LRRTM4: variants seen among roughly 807,000 people sequenced by gnomAD.
LRRTM4 encodes leucine rich repeat transmembrane neuronal 4.
In LRRTM4, 25 loss-of-function variants were observed where a neutral mutation model predicts 47.6. The observed-to-expected ratio is 0.53, with a 90% CI of 0.38 to 0.73. LRRTM4 has a LOEUF of 0.73. Among genes scored for constraint, LRRTM4 ranks in the 30% least tolerant of loss-of-function variants. LRRTM4 has a pLI of 0.00. For synonymous variants in LRRTM4, 311 were observed against 269.5 expected (o/e 1.15, Z -1.51); for missense variants, 638 against 713.4 (o/e 0.89, Z 1.20).
At chr2:77,514,219 G>A (rs1170659326) in intron 3 of LRRTM4, among the ~76,000 whole-genome samples, 2 of 151,970 alleles carry the variant, frequency 1.3e-5, no homozygotes, top group Non-Finnish European at 2.9e-5. Flanking sequence ...TTCTATAGCT[G>A]TATGTCGATA....
At chr2:77,245,518 A>C (rs1452270356) in intron 3 of LRRTM4, among the ~76,000 whole-genome samples, 1 of 54,452 alleles carries the variant, frequency 1.8e-5, no homozygotes, top group Admixed American at 1.9e-4. Context: ...ACACTGCCTC[A>C]AAAAAAAAAA....
chr2:77,170,609 A>G (rs1351204990), intron 3 of LRRTM4, among the ~76,000 whole-genome samples: 4 of 152,170 alleles, frequency 2.6e-5, no homozygotes, highest in Non-Finnish European at 4.4e-5. Flanking sequence ...GAAAACTAAT[A>G]CATGGTCATT....
At chr2:77,063,500 A>G (rs1248016296) in intron 3 of LRRTM4, among the ~76,000 whole-genome samples, 2 of 152,184 alleles carry the variant, frequency 1.3e-5, no homozygotes, top group Non-Finnish European at 2.9e-5. Context: ...ATGAAGTAGA[A>G]AAATAGAGCT....
At chr2:77,487,248 C>T (rs1000414217) in intron 3 of LRRTM4, among the ~76,000 whole-genome samples, 1 of 152,162 alleles carries the variant, frequency 6.6e-6, no homozygotes, top group Non-Finnish European at 1.5e-5. Flanking sequence ...CAGCCCTGGT[C>T]GTGGACCTGT....
rs190936034 is a variant in LRRTM4 at position 77,027,596 on chromosome 2, G to A, written c.1552-278680C>T. Among the ~76,000 whole-genome samples, 325 of 152,228 alleles carry A rather than the reference G, an allele frequency of 2.1e-3. 7 individuals are homozygous for A. Among genetic ancestry groups the A allele is most frequent in the African/African-American group, 7.6e-3 (315 of 41,560 alleles). Reference sequence around the variant, plus strand: ...TGGCATGACTACACCAATCCTACCAGTGTACTATCAGCTCTAAATGCATAA... The same window carrying A: ...TGGCATGACTACACCAATCCTACCAATGTACTATCAGCTCTAAATGCATAA... On this transcript the variant is annotated intron_variant, in intron 3 of 3. Transcript: ENST00000409884.
At position 76,913,963 on chromosome 2, in the gene LRRTM4, G is replaced by C. The variant is rs1158067429; in HGVS notation, c.1552-165047C>G. ...TTTTGCACTGTTTGAATATTGTTTA[G>C]AAATGCATATCTCTTCAATATTTAA... On this transcript the variant is annotated intron_variant, in intron 3 of 3. Transcript: ENST00000409884. 3.3e-4 allele frequency among the ~76,000 whole-genome samples: 50 copies of C among 151,920 alleles called. 1 individual carries two copies. Among genetic ancestry groups the C allele is most frequent in the Admixed American group, 3.3e-3 (50 of 15,262 alleles).
chr2:77,152,240 A>G (rs1170508686), intron 3 of LRRTM4, among the ~76,000 whole-genome samples: 2 of 152,160 alleles, frequency 1.3e-5, no homozygotes, highest in African/African-American at 4.8e-5. Flanking sequence ...GAGGGCAGAG[A>G]GAATGACATT....
At chr2:77,032,123 A>G (rs1190787787) in intron 3 of LRRTM4, among the ~76,000 whole-genome samples, 1 of 152,084 alleles carries the variant, frequency 6.6e-6, no homozygotes, top group Non-Finnish European at 1.5e-5. Flanking sequence ...CTCTACTTCT[A>G]TCCTTGCGCT....
At chr2:76,769,054 T>C (rs1357516002) in intron 3 of LRRTM4, among the ~76,000 whole-genome samples, 1 of 152,158 alleles carries the variant, frequency 6.6e-6, no homozygotes, top group Non-Finnish European at 1.5e-5. Flanking sequence ...GACTCAACTT[T>C]CTTTGAGGGC....
intron 3 of LRRTM4, among the ~76,000 whole-genome samples, chr2:77,447,753 A>C (rs1676109721): frequency 6.6e-6 from 1 of 152,062 alleles, no homozygotes. Context: ...AGCCCTGTGA[A>C]TTGTATTGCA....
At chr2:77,516,551 G>T (rs1416525106) in intron 3 of LRRTM4, 1 of 912,408 alleles carries the variant, frequency 1.1e-6, no homozygotes, top group South Asian at 5.0e-5. Flanking sequence ...CCTTTAAGAG[G>T]ATCACAAAAT....
At chr2:76,973,055 A>G (rs537355200) in intron 3 of LRRTM4, among the ~76,000 whole-genome samples, 2 of 152,182 alleles carry the variant, frequency 1.3e-5, no homozygotes, top group African/African-American at 4.8e-5. Context: ...ACACTAAAAC[A>G]ATGAAAGCAT....
At chr2:76,911,593 C>T (rs1026016029) in intron 3 of LRRTM4, among the ~76,000 whole-genome samples, 1 of 151,674 alleles carries the variant, frequency 6.6e-6, no homozygotes, top group African/African-American at 2.4e-5. Flanking sequence ...CTCTGATATG[C>T]TCATTCTAAG....
intron 3 of LRRTM4, among the ~76,000 whole-genome samples, chr2:77,285,129 T>A (rs985061614): frequency 6.6e-6 from 1 of 151,814 alleles, no homozygotes; most frequent in African/African-American, 2.4e-5. Context: ...TTTATTCTAA[T>A]AACATTTTTG....
Position 77,185,368 on chromosome 2 carries a change from A to G in LRRTM4, c.1551+332950T>C, listed in dbSNP as rs150028480. Among the ~76,000 whole-genome samples the G allele has an allele frequency of 3.4e-3, 524 of 152,262 alleles. 1 individual carries two copies. The highest frequency in any genetic ancestry group is 0.012 in the African/African-American group (493 of 41,568). On this transcript the variant is annotated intron_variant, in intron 3 of 3. Transcript: ENST00000409884. ...TTTTCAAAACAGCTCTATCAGTGAT[A>G]AAGGTCATATTTTGGTCTCCATCCA...
intron 3 of LRRTM4, among the ~76,000 whole-genome samples, chr2:77,082,236 G>A (rs918555289): frequency 2.0e-5 from 3 of 151,910 alleles, no homozygotes; most frequent in African/African-American, 7.2e-5. Context: ...TTGATTCTGA[G>A]GCACAGCTTA....
intron 3 of LRRTM4, among the ~76,000 whole-genome samples, chr2:76,891,455 C>G (rs1217001054): frequency 3.3e-5 from 5 of 151,590 alleles, no homozygotes; most frequent in African/African-American, 1.2e-4. Flanking sequence ...TTTCACAGAA[C>G]TACTCCTGGA....
intron 3 of LRRTM4, among the ~76,000 whole-genome samples, chr2:77,508,894 C>G (rs1467182605): frequency 6.6e-6 from 1 of 152,072 alleles, no homozygotes; most frequent in Non-Finnish European, 1.5e-5. Flanking sequence ...GTTGAAAACT[C>G]CCACTTGTGA....
At chr2:77,187,726 C>T (rs1673550881) in intron 3 of LRRTM4, among the ~76,000 whole-genome samples, 1 of 151,814 alleles carries the variant, frequency 6.6e-6, no homozygotes, top group African/African-American at 2.4e-5. Flanking sequence ...ATTTCTCATC[C>T]TGAAAGCAGT....
Sources: gnomAD v4.1 joint callset for allele counts (sites outside exome capture counted in the v4.1 genomes callset) on GRCh38, gnomAD v4.1.1 for gene constraint, MANE v1.5 for transcripts, NCBI Gene and HGNC (gene_info 2026-07-23, HGNC 2026-07-21) for gene names.